OSBPL1A: variants seen among roughly 807,000 people sequenced by gnomAD.
The protein encoded by OSBPL1A is oxysterol-binding protein-related protein 1.
In OSBPL1A, 80 loss-of-function variants were observed where a neutral mutation model predicts 137.1. The observed-to-expected ratio is 0.58, with a 90% CI of 0.49 to 0.70. The LOEUF (loss-of-function observed/expected upper bound fraction) is 0.70. OSBPL1A is among the 30% of genes least tolerant of loss of function. The pLI is 0.00. For missense variants in OSBPL1A, 970 were observed against 1,129.4 expected (o/e 0.86, Z 2.02); for synonymous variants, 365 against 389.7 (o/e 0.94, Z 0.75).
At chr18:24,342,376 C>A (rs919939529) in intron 4 of OSBPL1A, among the ~76,000 whole-genome samples, 2 of 152,088 alleles carry the variant, frequency 1.3e-5, no homozygotes, top group Non-Finnish European at 2.9e-5. Context: ...TCTGATATTG[C>A]GGACAGTATT....
At chr18:24,336,894 A>G (rs1464669883) in intron 5 of OSBPL1A, among the ~76,000 whole-genome samples, 2 of 152,342 alleles carry the variant, frequency 1.3e-5, no homozygotes, top group East Asian at 3.9e-4. Flanking sequence ...TGCTAAAACC[A>G]CTGAGTAGAA....
At position 24,286,014 on chromosome 18, in the gene OSBPL1A, G is replaced by A. The variant is rs576288501; in HGVS notation, c.1175-5066C>T. On this transcript the variant is annotated intron_variant, in intron 14 of 27. Transcript: ENST00000319481. ...TCCACTACAAATACAAAAATTAGCC[G>A]GCCATCATGGCGTGTGCCTGTAATC... Among the ~76,000 whole-genome samples the A allele has an allele frequency of 1.1e-4, 16 of 152,126 alleles. No individual in the cohort carries two copies. The South Asian group carries it at 2.7e-3, about 26-fold the overall frequency.
intron 1 of OSBPL1A, among the ~76,000 whole-genome samples, chr18:24,393,049 A>T (rs1170236114): frequency 6.6e-6 from 1 of 152,154 alleles, no homozygotes; most frequent in East Asian, 1.9e-4. Flanking sequence ...AATACCAGCA[A>T]GGTATTAAAG....
At chr18:24,354,612 T>C (rs2091499501) in intron 4 of OSBPL1A, among the ~76,000 whole-genome samples, 1 of 151,554 alleles carries the variant, frequency 6.6e-6, no homozygotes, top group African/African-American at 2.4e-5. Context: ...GAACGTTCAG[T>C]AAACTTGAAG....
At chr18:24,327,388 G>A (rs1052319873) in intron 7 of OSBPL1A, among the ~76,000 whole-genome samples, 2 of 151,962 alleles carry the variant, frequency 1.3e-5, no homozygotes, top group African/African-American at 2.4e-5. Flanking sequence ...GTGAGCCACC[G>A]CACCCAGCCT....
chr18:24,246,819 T>G (rs1208257051), intron 15 of OSBPL1A, among the ~76,000 whole-genome samples: 1 of 145,030 alleles, frequency 6.9e-6, no homozygotes, highest in Non-Finnish European at 1.5e-5. Flanking sequence ...AAAAATCCCT[T>G]AAGAAGTACT....
At chr18:24,342,406 A>T (rs2146157472) in intron 4 of OSBPL1A, among the ~76,000 whole-genome samples, 1 of 152,308 alleles carries the variant, frequency 6.6e-6, no homozygotes, top group South Asian at 2.1e-4. Flanking sequence ...ATGTTTGATT[A>T]TCTTATGATA....
chr18:24,254,261 A>AC (rs1426686342), intron 15 of OSBPL1A, among the ~76,000 whole-genome samples: 10 of 152,214 alleles, frequency 6.6e-5, no homozygotes, highest in Non-Finnish European at 1.0e-4. Flanking sequence ...GGAGGTCACA[A>AC]CACCCCATTT....
At chr18:24,365,803 A>G (rs1352170366) in intron 4 of OSBPL1A, among the ~76,000 whole-genome samples, 1 of 152,130 alleles carries the variant, frequency 6.6e-6, no homozygotes, top group Admixed American at 6.5e-5. Context: ...ACAATATGTG[A>G]TCAAATTATG....
intron 16 of OSBPL1A, among the ~76,000 whole-genome samples, chr18:24,227,275 G>GA (rs1013743576): frequency 3.3e-5 from 5 of 151,524 alleles, no homozygotes; most frequent in Admixed American, 2.6e-4. Context: ...AACTATCATT[G>GA]AAAAAAAATT....
At chr18:24,351,494 A>G (rs1440682156) in intron 4 of OSBPL1A, among the ~76,000 whole-genome samples, 1 of 151,986 alleles carries the variant, frequency 6.6e-6, no homozygotes, top group Non-Finnish European at 1.5e-5. Flanking sequence ...GTGATGAGAA[A>G]AAGAACTAAA....
At chr18:24,204,126 GAGA>G (rs1157917737) in intron 17 of OSBPL1A, among the ~76,000 whole-genome samples, 1 of 152,186 alleles carries the variant, frequency 6.6e-6, no homozygotes, top group Non-Finnish European at 1.5e-5. Context: ...ACTGCTTTTG[GAGA>G]AGCTTTTAAC....
chr18:24,201,156 G>A (rs1004873553), intron 17 of OSBPL1A, among the ~76,000 whole-genome samples: 2 of 152,186 alleles, frequency 1.3e-5, no homozygotes, highest in Non-Finnish European at 2.9e-5. Flanking sequence ...ACCAGGGACT[G>A]GCAGTGATAT....
intron 15 of OSBPL1A, among the ~76,000 whole-genome samples, chr18:24,264,789 G>C (rs756921786): frequency 6.6e-6 from 1 of 152,308 alleles, no homozygotes; most frequent in South Asian, 2.1e-4. Context: ...AAGTCTAGGC[G>C]TGTATGATAT....
At chr18:24,168,959 G>A (rs1243357426) in intron 24 of OSBPL1A, among the ~76,000 whole-genome samples, 1 of 152,246 alleles carries the variant, frequency 6.6e-6, no homozygotes, top group African/African-American at 2.4e-5. Flanking sequence ...GCATGTTGGG[G>A]AGATCGTCTT....
At chr18:24,282,849 G>A (rs962708329) in intron 14 of OSBPL1A, among the ~76,000 whole-genome samples, 1 of 152,074 alleles carries the variant, frequency 6.6e-6, no homozygotes, top group African/African-American at 2.4e-5. Context: ...TGGCTTATGT[G>A]TGTAATCCTC....
chr18:24,329,944 A>C (rs2091046405), intron 7 of OSBPL1A, among the ~76,000 whole-genome samples: 1 of 152,142 alleles, frequency 6.6e-6, no homozygotes. Context: ...GTATTTTTTT[A>C]TCTTAAACTG....
intron 14 of OSBPL1A, among the ~76,000 whole-genome samples, chr18:24,282,220 T>G (rs1441158134): frequency 6.6e-6 from 1 of 151,976 alleles, no homozygotes; most frequent in Admixed American, 6.6e-5. Flanking sequence ...AGGGTAATGT[T>G]TAAGAAAAAC....
intron 15 of OSBPL1A, among the ~76,000 whole-genome samples, chr18:24,260,004 A>G (rs2089403091): frequency 6.6e-6 from 1 of 152,206 alleles, no homozygotes; most frequent in African/African-American, 2.4e-5. Flanking sequence ...GATGACAAAC[A>G]ATCCAATTAA....
Sources: allele counts gnomAD v4.1 joint callset (sites outside exome capture counted in the v4.1 genomes callset), GRCh38; gene constraint gnomAD v4.1.1; transcripts MANE v1.5; gene names NCBI Gene and HGNC (gene_info 2026-07-23, HGNC 2026-07-21).